The following OTOGL variants were observed in gnomAD, a reference collection of about 807,000 sequenced individuals.
OTOGL encodes otogelin-like protein.
In OTOGL, 285 loss-of-function variants were observed where a neutral mutation model predicts 318.5. That is an observed-to-expected ratio of 0.89 (90% confidence interval 0.81 to 0.99). The LOEUF (loss-of-function observed/expected upper bound fraction) is 0.99, where lower values mean the gene tolerates loss of function less well. OTOGL is among the 50% of genes least tolerant of loss of function. The probability of loss-of-function intolerance (pLI) is 0.00; values close to 1 mark genes in which losing one functional copy is unlikely to be tolerated. For missense variants in OTOGL, 2,899 were observed against 2,845.6 expected (o/e 1.02, Z -0.43); for synonymous variants, 987 against 936.5 (o/e 1.05, Z -0.99).
intron 1 of OTOGL, among the ~76,000 whole-genome samples, chr12:80,127,238 TG>T (rs1025637371): frequency 1.3e-5 from 2 of 152,178 alleles, no homozygotes; most frequent in Non-Finnish European, 1.5e-5. Context: ...GCAGGCCTGG[TG>T]GTGACAAAAT....
rs369274784 is a variant in OTOGL, at chr12:80,256,362, C to A, written c.1613C>A (p.Ser538Tyr). The change falls in exon 17 of 59, where the codon TCT (serine) becomes TAT (tyrosine). Residue 538 changes from serine to tyrosine, a missense_variant. Physicochemically the swap from Ser to Tyr is moderately radical, Grantham distance 144. Transcript: ENST00000547103. ...AATCTTGGCTTGGTCTGCCTTCAGT[C>A]TATAACTCTGATTCTGGAGGATGAT... is the stretch of plus-strand genomic sequence containing the variant. ...EQNLGLVCLQ[S>Y]ITLILEDDFN... 6 of 1,595,866 alleles carry A rather than the reference C, an allele frequency of 3.8e-6. No individual in the cohort carries two copies. The highest frequency in any genetic ancestry group is 1.7e-4 in the Middle Eastern group (1 of 6,052).
rs12366943 is a variant in OTOGL, at chr12:80,266,683, G to C, written c.2390+67G>C. On this transcript the variant is annotated intron_variant, in intron 21 of 58. Coordinates refer to ENST00000547103, the MANE Select transcript of OTOGL (RefSeq NM_001378609.3). ...CTTTTTCTCCTTACGGGCTAAATGA[G>C]CTTTCATGGAAGTTTTTGAAAAAAA... 398 of 1,418,420 alleles carry C rather than the reference G, an allele frequency of 2.8e-4. No homozygotes were observed. In the African/African-American group the frequency reaches 5.3e-3, roughly 19 times the overall value. 87.9% of individuals were successfully genotyped at this position (1,418,420 alleles called of 1,614,324 possible).
rs1881585340 is a variant in OTOGL at position 80,251,884 on chromosome 12, T to C, written c.1159+85T>C. ...ACTCAAAACTTACTGTACTACTCAA[T>C]ACTAATGAATTGCAAGGATTTGTTA... is the stretch of plus-strand genomic sequence containing the variant. On this transcript the variant is annotated intron_variant, in intron 12 of 58. Coordinates refer to ENST00000547103, the MANE Select transcript of OTOGL (RefSeq NM_001378609.3). The C allele has an allele frequency of 1.9e-5, 23 of 1,235,188 alleles. No individual in the cohort carries two copies. The South Asian group carries it at 3.3e-4, about 18-fold the overall frequency. The allele number at this position is 1,235,188 out of a possible 1,614,324, so 76.5% of individuals were successfully genotyped here. A position where few individuals can be genotyped will look rare whatever the true frequency, so the allele number is the denominator to read the frequency against.
intron 6 of OTOGL, among the ~76,000 whole-genome samples, chr12:80,221,815 C>CT (rs1213054576): frequency 6.6e-6 from 1 of 152,082 alleles, no homozygotes; most frequent in African/African-American, 2.4e-5. Context: ...TTCCATACTC[C>CT]TTTTTTTCTT....
At position 80,296,910 on chromosome 12, in the gene OTOGL, G is replaced by A; in HGVS notation, c.3012G>A (p.Leu1004=). 6.5e-7 allele frequency: 1 copy of A among 1,546,342 alleles called. No individual in the cohort carries two copies. The highest frequency in any genetic ancestry group is 8.7e-7 in the Non-Finnish European group (1 of 1,148,616). The part of the protein sequence containing the change: ...DNDIVCSKSV[L]ISVGDTEIYL... ...ATATTGTTTGTTCTAAAAGTGTTTT[G>A]ATTTCAGTTGGGGACACTGAAATTT... Residue 1004 remains leucine (L), a synonymous_variant, in exon 27 of 59, where the codon TTG becomes TTA. Coordinates refer to ENST00000547103, the MANE Select transcript of OTOGL (RefSeq NM_001378609.3).
At chr12:80,278,297 A>G (rs1308397039) in intron 25 of OTOGL, 22 bp downstream of exon 25, 1 of 1,460,072 alleles carries the variant, frequency 6.8e-7, no homozygotes, top group Admixed American at 2.0e-5. Context: ...CATTTATTTC[A>G]CAAATATTTT....
At position 80,338,938 on chromosome 12, in the gene OTOGL, G is replaced by GGCA. The variant is rs998330099; in HGVS notation, c.4861-132_4861-130dup. The GGCA allele has an allele frequency of 9.9e-6, 7 of 708,064 alleles. No homozygotes were observed. In the African/African-American group the frequency reaches 1.3e-4, roughly 13 times the overall value. 43.9% of individuals were successfully genotyped at this position (708,064 alleles called of 1,614,324 possible). On this transcript the variant is annotated intron_variant, in intron 42 of 58. Coordinates refer to ENST00000547103, the MANE Select transcript of OTOGL (RefSeq NM_001378609.3). ...TAGCTTAAAGGTTCTGAGAAGCTGT[G>GGCA]GCAGCAGTAAGAAATACATTTCTTA... is the stretch of plus-strand genomic sequence containing the variant.
At chr12:80,124,561 C>A (rs1011500460) in intron 1 of OTOGL, among the ~76,000 whole-genome samples, 2 of 151,992 alleles carry the variant, frequency 1.3e-5, no homozygotes, top group Non-Finnish European at 2.9e-5. Flanking sequence ...GTAGTTTTTT[C>A]CAATTCTGTG....
chr12:80,355,715 A>C, intron 46 of OTOGL, 21 bp from the exon 47 acceptor site: 2 of 1,594,972 alleles, frequency 1.3e-6, no homozygotes, highest in Non-Finnish European at 1.7e-6. Context: ...TGAGTGTTAT[A>C]ATACTGTTGA....
Position 80,210,922 on chromosome 12 carries a change from T to C in OTOGL, c.119+36T>C, listed in dbSNP as rs779965995. On this transcript the variant is annotated intron_variant, in intron 3 of 58. Transcript: ENST00000547103. ...CTTGTTCTTCGTGTCCTCTAAAACA[T>C]AAAGTTAATGGGAATGAGCAAACCT... The C allele has an allele frequency of 2.9e-6, 4 of 1,399,600 alleles. No individual in the cohort carries two copies. The South Asian group carries it at 4.4e-5, about 15-fold the overall frequency. 86.7% of individuals were successfully genotyped at this position (1,399,600 alleles called of 1,614,324 possible).
In OTOGL at chr12:80,274,692, G is replaced by C. The variant is rs541178116; in HGVS notation, c.2681+2882G>C. Among the ~76,000 whole-genome samples the C allele has an allele frequency of 2.0e-5, 3 of 152,140 alleles. No homozygotes were observed. In the East Asian group the frequency reaches 5.8e-4, roughly 29 times the overall value. On this transcript the variant is annotated intron_variant, in intron 24 of 58. Coordinates refer to ENST00000547103, the MANE Select transcript of OTOGL (RefSeq NM_001378609.3). The stretch of plus-strand genomic sequence containing the variant: ...CTTTCTTAGCTAGAGAGAAGACAAT[G>C]CTTGGCTTCAAAGTTTCCACGGACA...
At chr12:80,209,352 C>A (rs1018374934) in intron 1 of OTOGL, 61 bp from the exon 2 acceptor site, 1 of 932,596 alleles carries the variant, frequency 1.1e-6, no homozygotes, top group South Asian at 2.5e-5. Context: ...GAGTACCCTA[C>A]AAATATGCAT....
intron 57 of OTOGL, 93 bp from the exon 58 acceptor site, chr12:80,377,030 C>T: frequency 1.3e-6 from 1 of 775,038 alleles, no homozygotes; most frequent in Non-Finnish European, 2.0e-6. Context: ...TATAAATACA[C>T]CAATTTTCAA....
intron 1 of OTOGL, among the ~76,000 whole-genome samples, chr12:80,203,626 C>G (rs1876610634): frequency 6.6e-6 from 1 of 152,122 alleles, no homozygotes; most frequent in African/African-American, 2.4e-5. Context: ...AATTAAATAA[C>G]ACATCTACTT....
chr12:80,313,268 T>C (rs866378449), intron 30 of OTOGL, among the ~76,000 whole-genome samples: 1 of 152,180 alleles, frequency 6.6e-6, no homozygotes, highest in African/African-American at 2.4e-5. Context: ...TCTTATTATT[T>C]CTTTTGCTAG....
chr12:80,120,493 T>C (rs1484888191), intron 1 of OTOGL, among the ~76,000 whole-genome samples: 2 of 152,300 alleles, frequency 1.3e-5, no homozygotes, highest in African/African-American at 2.4e-5. Context: ...CCCAGATTTT[T>C]CCACTACTTC....
chr12:80,354,201 G>T (rs1889734880), intron 46 of OTOGL, among the ~76,000 whole-genome samples: 1 of 152,158 alleles, frequency 6.6e-6, no homozygotes, highest in Non-Finnish European at 1.5e-5. Flanking sequence ...TTTCCCTAAA[G>T]TACAGATTGT....
chr12:80,103,394 T>C, intron 1 of OTOGL: 1 of 817,502 alleles, frequency 1.2e-6, no homozygotes, highest in Non-Finnish European at 2.0e-6. Flanking sequence ...TTCACATTCC[T>C]TTTGACTGTG....
intron 7 of OTOGL, among the ~76,000 whole-genome samples, chr12:80,225,279 C>T (rs1878730154): frequency 6.6e-6 from 1 of 151,772 alleles, no homozygotes; most frequent in African/African-American, 2.4e-5. Context: ...TACCCTTTGA[C>T]CTTCTCTTTA....
Sources: allele counts gnomAD v4.1 joint callset (sites outside exome capture counted in the v4.1 genomes callset), GRCh38; gene constraint gnomAD v4.1.1; transcripts MANE v1.5; gene names NCBI Gene and HGNC (gene_info 2026-07-23, HGNC 2026-07-21).